CHMP4C: variants seen among roughly 807,000 people sequenced by gnomAD.
CHMP4C encodes charged multivesicular body protein 4C, also known as SNF7 homolog associated with Alix 3.
Under a neutral mutation model 29.0 loss-of-function variants are expected in CHMP4C, and 28 were observed. That is an observed-to-expected ratio of 0.97 (90% CI 0.72 to 1.32). The LOEUF (loss-of-function observed/expected upper bound fraction) is 1.32, where lower values mean the gene tolerates loss of function less well. Among genes scored for constraint, CHMP4C ranks in the 40% most tolerant of loss-of-function variants. The probability of loss-of-function intolerance (pLI) is 0.00; values close to 1 mark genes in which losing one functional copy is unlikely to be tolerated. For synonymous variants in CHMP4C, 106 were observed against 102.4 expected (o/e 1.04, Z -0.21); for missense variants, 291 against 281.0 (o/e 1.04, Z -0.25).
At position 81,755,373 on chromosome 8, in the gene CHMP4C, T is replaced by C; in HGVS notation, c.372T>C (p.Asp124=). The C allele has an allele frequency of 1.3e-6, 2 of 1,573,226 alleles. No homozygotes were observed. The highest frequency in any genetic ancestry group is 1.7e-4 in the Middle Eastern group (1 of 5,938). The part of the protein sequence containing the change: ...KAMKSVHENM[D]LNKIDDLMQE... ...TCAACAAAATATGATTTCCCAGGGA[T>C]CTGAACAAAATAGATGATTTGATGC... The change falls in exon 3 of 5, where the codon GAT becomes GAC. Residue 124 remains aspartate (D), a synonymous_variant. Transcript: ENST00000297265.
chr8:81,756,115 A>G (rs1479893004), intron 3 of CHMP4C, among the ~76,000 whole-genome samples: 1 of 152,202 alleles, frequency 6.6e-6, no homozygotes, highest in Non-Finnish European at 1.5e-5. Context: ...TCCTGCATCT[A>G]TGTGATATTA....
intron 1 of CHMP4C, among the ~76,000 whole-genome samples, chr8:81,737,456 C>A (rs1336712208): frequency 6.6e-6 from 1 of 152,248 alleles, no homozygotes; most frequent in Admixed American, 6.5e-5. Context: ...GCAGAACTCT[C>A]CTGCCACACT....
intron 2 of CHMP4C, among the ~76,000 whole-genome samples, 155 bp from the exon 3 acceptor site, chr8:81,755,215 T>C (rs1043581987): frequency 2.0e-5 from 3 of 152,158 alleles, no homozygotes; most frequent in African/African-American, 7.2e-5. Flanking sequence ...AAATATAAGT[T>C]ATCTTTAAAG....
intron 1 of CHMP4C, among the ~76,000 whole-genome samples, chr8:81,742,509 C>T (rs1808773633): frequency 1.3e-5 from 2 of 152,158 alleles, no homozygotes; most frequent in African/African-American, 4.8e-5. Context: ...TGCAACTAAA[C>T]ATTTAAGAAG....
chr8:81,746,702 T>C (rs1343148468), intron 1 of CHMP4C, among the ~76,000 whole-genome samples: 1 of 152,204 alleles, frequency 6.6e-6, no homozygotes, highest in Admixed American at 6.5e-5. Flanking sequence ...AGATCCCAAA[T>C]GTTGGTGAAT....
At chr8:81,736,152 G>T (rs1005133101) in intron 1 of CHMP4C, among the ~76,000 whole-genome samples, 2 of 150,912 alleles carry the variant, frequency 1.3e-5, no homozygotes, top group Non-Finnish European at 3.0e-5. Flanking sequence ...TTAGAAACGG[G>T]ATCTCACTGG....
chr8:81,738,429 T>C (rs556187919), intron 1 of CHMP4C, among the ~76,000 whole-genome samples: 1 of 152,356 alleles, frequency 6.6e-6, no homozygotes, highest in African/African-American at 2.4e-5. Flanking sequence ...AAGCCTGGGC[T>C]GTATTGGTAA....
In CHMP4C at chr8:81,732,647, C is replaced by A. The variant is rs755091245; in HGVS notation, c.21C>A (p.Phe7Leu). MSKLGK[F>L]FKGGGSSKSR... The stretch of plus-strand genomic sequence containing the variant: ...CAGCAATGAGCAAGTTGGGCAAGTT[C>A]TTTAAAGGGGGCGGCTCTTCTAAGA... The change falls in exon 1 of 5, where the codon TTC becomes TTA. Residue 7 changes from phenylalanine (F) to leucine (L), a missense_variant. By Grantham distance (22) the Phe-to-Leu change is conservative. Transcript: ENST00000297265. The A allele has an allele frequency of 6.4e-7, 1 of 1,555,966 alleles. No homozygotes were observed. Among genetic ancestry groups the A allele is most frequent in the Non-Finnish European group, 8.7e-7 (1 of 1,150,550 alleles).
intron 1 of CHMP4C, among the ~76,000 whole-genome samples, chr8:81,748,794 G>A (rs1348942740): frequency 6.6e-6 from 1 of 152,042 alleles, no homozygotes; most frequent in Non-Finnish European, 1.5e-5. Context: ...TGTCATAGTG[G>A]CGCATGCCTG....
rs1808959403 is a variant in CHMP4C, at chr8:81,755,392, T to A, written c.391T>A (p.Leu131Met). 1.2e-6 allele frequency: 2 copies of A among 1,607,274 alleles called. No individual in the cohort carries two copies. Among genetic ancestry groups the A allele is most frequent in the South Asian group, 2.2e-5 (2 of 90,408 alleles). Reference protein sequence around the residue: ...ENMDLNKIDDLMQEITEQQDI... With the variant: ...ENMDLNKIDDMMQEITEQQDI... Reference sequence around the variant, plus strand: ...CAGGGATCTGAACAAAATAGATGATTTGATGCAAGAGATCACAGAGCAACA... The same window carrying A: ...CAGGGATCTGAACAAAATAGATGATATGATGCAAGAGATCACAGAGCAACA... The change falls in exon 3 of 5, where the codon TTG (leucine) becomes ATG (methionine). Residue 131 changes from leucine to methionine, a missense_variant. Transcript: ENST00000297265.
At chr8:81,742,350 T>A (rs1410566439) in intron 1 of CHMP4C, among the ~76,000 whole-genome samples, 1 of 152,140 alleles carries the variant, frequency 6.6e-6, no homozygotes, top group Non-Finnish European at 1.5e-5. Flanking sequence ...GGAAAATAGG[T>A]CATTCTCTGT....
At position 81,753,251 on chromosome 8, in the gene CHMP4C, T is replaced by C. The variant is rs759240239; in HGVS notation, c.368+10T>C. On this transcript the variant is annotated intron_variant, in intron 2 of 4. Transcript: ENST00000297265. ...CTGTTCATGAAAACATGTGAGTGAC[T>C]CTGGTCTCCCTCTGAATCATAAATT... The C allele has an allele frequency of 4.5e-6, 7 of 1,567,926 alleles. No individual in the cohort carries two copies. The highest frequency in any genetic ancestry group is 5.2e-6 in the Non-Finnish European group (6 of 1,150,446).
intron 1 of CHMP4C, among the ~76,000 whole-genome samples, chr8:81,736,859 G>T (rs1808698338): frequency 6.6e-6 from 1 of 152,162 alleles, no homozygotes; most frequent in Admixed American, 6.5e-5. Context: ...TCTGAAACTT[G>T]CTTTCATTAC....
At chr8:81,754,985 A>G (rs1444540791) in intron 2 of CHMP4C, among the ~76,000 whole-genome samples, 2 of 152,120 alleles carry the variant, frequency 1.3e-5, no homozygotes, top group East Asian at 1.9e-4. Context: ...AAAGCTGCCA[A>G]AGCTCATCTA....
chr8:81,749,744 A>G (rs766742420), intron 1 of CHMP4C, among the ~76,000 whole-genome samples: 8 of 152,176 alleles, frequency 5.3e-5, no homozygotes, highest in Non-Finnish European at 1.2e-4. Context: ...GAAGACAACA[A>G]TAGAACATCA....
intron 1 of CHMP4C, among the ~76,000 whole-genome samples, chr8:81,738,218 T>C (rs1808718693): frequency 6.6e-6 from 1 of 152,202 alleles, no homozygotes; most frequent in South Asian, 2.1e-4. Flanking sequence ...GGATCTAGTC[T>C]GGGGTGATTT....
chr8:81,744,537 G>C (rs979607543), intron 1 of CHMP4C, among the ~76,000 whole-genome samples: 3 of 152,178 alleles, frequency 2.0e-5, no homozygotes, highest in Non-Finnish European at 2.9e-5. Context: ...CAAGGTTACT[G>C]CTACAGCGAT....
chr8:81,753,606 GAATA>G (rs1203999521), intron 2 of CHMP4C, among the ~76,000 whole-genome samples: 1 of 152,056 alleles, frequency 6.6e-6, no homozygotes, highest in Non-Finnish European at 1.5e-5. Context: ...ATCACCTGGA[GAATA>G]AATAAAGAGA....
chr8:81,757,136 A>G (rs1443009368), intron 3 of CHMP4C, among the ~76,000 whole-genome samples: 1 of 152,124 alleles, frequency 6.6e-6, no homozygotes, highest in East Asian at 1.9e-4. Context: ...TTATTTGTTT[A>G]TGTGCCTTCC....
Sources: allele counts gnomAD v4.1 joint callset (sites outside exome capture counted in the v4.1 genomes callset), GRCh38; gene constraint gnomAD v4.1.1; transcripts MANE v1.5; gene names NCBI Gene and HGNC (gene_info 2026-07-23, HGNC 2026-07-21).